The following LARP4B variants were observed in gnomAD, a reference collection of about 807,000 sequenced individuals.
LARP4B encodes the protein La ribonucleoprotein 4B.
In LARP4B, 12 loss-of-function variants were observed where a neutral mutation model predicts 89.8. That is an observed-to-expected ratio of 0.13 (90% CI 0.09 to 0.22). The LOEUF (loss-of-function observed/expected upper bound fraction) is 0.22. LARP4B is among the 10% of genes least tolerant of loss of function. LARP4B has a pLI of 1.00. For synonymous variants in LARP4B, 367 were observed against 363.3 expected, an observed-to-expected ratio of 1.01 and a Z score of -0.12; for missense variants, 757 against 947.7, an observed-to-expected ratio of 0.80 and a Z score of 2.64.
upstream of LARP4B, among the ~76,000 whole-genome samples, chr10:936,339 C>G (rs565797155): frequency 7.7e-4 from 117 of 152,014 alleles, no homozygotes; most frequent in Non-Finnish European, 1.0e-3. Context: ...TAAGAAGGAA[C>G]CAGAAAATGA....
At chr10:907,487 C>A (rs866085002) in intron 1 of LARP4B, among the ~76,000 whole-genome samples, 1 of 152,058 alleles carries the variant, frequency 6.6e-6, no homozygotes, top group Admixed American at 6.6e-5. Flanking sequence ...TAAGTGTGCA[C>A]CTGGGATCTA....
At chr10:892,825 C>G (rs1465507786) in intron 1 of LARP4B, among the ~76,000 whole-genome samples, 1 of 151,982 alleles carries the variant, frequency 6.6e-6, no homozygotes, top group Admixed American at 6.6e-5. Flanking sequence ...AGGCGTGAGC[C>G]ACCGCGCCCG....
chr10:915,520 T>C (rs1836794397), intron 1 of LARP4B, among the ~76,000 whole-genome samples: 1 of 152,204 alleles, frequency 6.6e-6, no homozygotes, highest in African/African-American at 2.4e-5. Context: ...TTTTTGTTTT[T>C]TTGGCCGGGT....
chr10:972,195 T>G, the LARP4B span: 1 of 302,550 alleles, frequency 3.3e-6, no homozygotes, highest in South Asian at 3.0e-5. Flanking sequence ...GCCTGGGTAA[T>G]TTTTGTATTT....
At chr10:918,786 A>T (rs1836897549) in intron 1 of LARP4B, among the ~76,000 whole-genome samples, 2 of 152,146 alleles carry the variant, frequency 1.3e-5, no homozygotes. Flanking sequence ...TTCAAAGATA[A>T]CCACAATGGG....
In LARP4B at chr10:815,062, A is replaced by C. The variant is rs1291365983; in HGVS notation, c.1704T>G (p.Ser568Arg). The C allele has an allele frequency of 1.9e-6, 3 of 1,577,796 alleles. No individual in the cohort carries two copies. The highest frequency in any genetic ancestry group is 2.6e-6 in the Non-Finnish European group (3 of 1,160,232). ...GAAGGGTGTTCACGCTTGCGTCTGC[A>C]CTGAGGGTCTGAAACAGGGTCAAGA... ...IIGPSKERTLSADASVNTLPV... is the reference protein window; with the variant it reads ...IIGPSKERTLRADASVNTLPV... Residue 568 changes from serine to arginine, a missense_variant, in exon 16 of 18, where the codon AGT becomes AGG. This residue lies in a region of LARP4B where 387 missense variants were observed against 423.6 expected (regional missense o/e 0.91). Coordinates refer to ENST00000316157, the MANE Select transcript of LARP4B (RefSeq NM_015155.3).
At chr10:941,616 C>T in the LARP4B span, among the ~76,000 whole-genome samples, 11 of 152,208 alleles carry the variant, frequency 7.2e-5, no homozygotes, top group Non-Finnish European at 1.0e-4. Flanking sequence ...CCACTGCACC[C>T]GGCCTGATCT....
In LARP4B at chr10:843,174, T is replaced by C. The variant is rs1190498976; in HGVS notation, c.510-106A>G. The C allele has an allele frequency of 1.1e-5, 11 of 1,013,700 alleles. No individual in the cohort carries two copies. The Admixed American group carries it at 2.4e-4, about 22-fold the overall frequency. 62.8% of individuals were successfully genotyped at this position (1,013,700 alleles called of 1,614,324 possible). A position where few individuals can be genotyped will look rare whatever the true frequency, so the allele number is the denominator to read the frequency against. On this transcript the variant is annotated intron_variant, in intron 6 of 17. Transcript: ENST00000316157. ...GGCGTGAGTGTGGCATGGTATTGCTTTGGAGTTAAATCTCAGCCCAGGACC... is the reference window on the plus strand; with the variant it reads ...GGCGTGAGTGTGGCATGGTATTGCTCTGGAGTTAAATCTCAGCCCAGGACC...
At chr10:945,426 C>T in the LARP4B span, among the ~76,000 whole-genome samples, 1 of 150,896 alleles carries the variant, frequency 6.6e-6, no homozygotes, top group Admixed American at 6.6e-5. Flanking sequence ...GTGGCTCACA[C>T]CTGTAATCCC....
At chr10:855,304 A>G (rs11253467) in intron 5 of LARP4B, among the ~76,000 whole-genome samples, 25,777 of 152,188 alleles carry the variant, frequency 0.17, 2,360 homozygotes, top group Non-Finnish European at 0.19. Context: ...CCGAGTTTTC[A>G]GCCTATCTCA....
chr10:828,940 T>A (rs1282997325), intron 11 of LARP4B, among the ~76,000 whole-genome samples: 2 of 152,100 alleles, frequency 1.3e-5, no homozygotes, highest in Admixed American at 1.3e-4. Flanking sequence ...AAGGCCAAAA[T>A]CCATAAAAAT....
chr10:868,698 G>C (rs1482010099), intron 3 of LARP4B, among the ~76,000 whole-genome samples: 1 of 152,210 alleles, frequency 6.6e-6, no homozygotes, highest in Non-Finnish European at 1.5e-5. Context: ...CAAAACTAAT[G>C]AATTTGAACA....
intron 8 of LARP4B, among the ~76,000 whole-genome samples, chr10:831,833 T>C (rs1832920360): frequency 6.6e-6 from 1 of 152,006 alleles, no homozygotes; most frequent in South Asian, 2.1e-4. Context: ...TAAAGTAAAA[T>C]TTAAAACTCC....
At chr10:820,600 C>T (rs766609344) in intron 14 of LARP4B, 200 bp downstream of exon 14, 4 of 575,500 alleles carry the variant, frequency 7.0e-6, no homozygotes, top group African/African-American at 5.6e-5. Flanking sequence ...CTGTGCAGCA[C>T]ATCGCTATTT....
intron 7 of LARP4B, among the ~76,000 whole-genome samples, chr10:841,364 A>G (rs1833512998): frequency 1.3e-5 from 2 of 152,206 alleles, no homozygotes; most frequent in Admixed American, 1.3e-4. Context: ...AAAATGAGAA[A>G]CTAAAGAGCT....
intron 3 of LARP4B, among the ~76,000 whole-genome samples, chr10:880,294 C>A (rs1835617511): frequency 6.6e-6 from 1 of 152,110 alleles, no homozygotes; most frequent in African/African-American, 2.4e-5. Context: ...GTTATTCATT[C>A]AGAAGCTGTG....
chr10:931,162 T>G (rs988040178), intron 1 of LARP4B, among the ~76,000 whole-genome samples: 2 of 139,358 alleles, frequency 1.4e-5, no homozygotes, highest in African/African-American at 2.7e-5. Flanking sequence ...AGTTTTCCCC[T>G]GCCCCGGCCC....
At chr10:969,031 C>T in the LARP4B span, among the ~76,000 whole-genome samples, 5 of 152,108 alleles carry the variant, frequency 3.3e-5, no homozygotes, top group East Asian at 1.9e-4. Context: ...GCCTTGGCAC[C>T]GTATCTTAAG....
At chr10:986,002 G>A in the LARP4B span, 1 of 152,214 alleles carries the variant, frequency 6.6e-6, no homozygotes, top group Non-Finnish European at 1.5e-5. Context: ...GGGGATCCAG[G>A]GAAGTGGCCG....
Sources: gnomAD v4.1 joint callset for allele counts (sites outside exome capture counted in the v4.1 genomes callset) on GRCh38, gnomAD v4.1.1 for gene constraint, gnomAD v4.1.1 regional missense constraint, MANE v1.5 for transcripts, NCBI Gene and HGNC (gene_info 2026-07-23, HGNC 2026-07-21) for gene names.